Variants in ARHGEF11 observed in about 807,000 individuals in gnomAD.
ARHGEF11 encodes the protein Rho guanine exchange factor (GEF) 11.
In ARHGEF11, 55 loss-of-function variants were observed where a neutral mutation model predicts 193.7. The ratio of observed to expected loss-of-function variants is 0.28; its 90% CI spans 0.23 to 0.36. The LOEUF is 0.36. ARHGEF11 is among the 10% of genes least tolerant of loss of function. The pLI is 1.00. For synonymous variants in ARHGEF11, 693 were observed against 768.0 expected, an observed-to-expected ratio of 0.90 and a Z score of 1.62; for missense variants, 1,723 against 2,005.6, an observed-to-expected ratio of 0.86 and a Z score of 2.69.
chr1:157,007,690 C>T (rs1040824161), intron 1 of ARHGEF11, among the ~76,000 whole-genome samples: 8 of 152,170 alleles, frequency 5.3e-5, no homozygotes, highest in Non-Finnish European at 1.2e-4. Flanking sequence ...TCTGGCCACA[C>T]AGAATTAAAC....
At chr1:156,963,753 A>G in intron 11 of ARHGEF11, 159 bp from the exon 12 acceptor site, 1 of 1,444,156 alleles carries the variant, frequency 6.9e-7, no homozygotes, top group Non-Finnish European at 9.0e-7. Context: ...CAGAGCACAG[A>G]TGAAATGATT....
chr1:156,954,380 C>CAAAAA lies in ARHGEF11; in HGVS notation c.1798+507_1798+511dup, dbSNP rs559848711. Among the ~76,000 whole-genome samples the CAAAAA allele has an allele frequency of 7.6e-4, 57 of 75,156 alleles. 2 individuals carry two copies. Among genetic ancestry groups the CAAAAA allele is most frequent in the Non-Finnish European group, 1.0e-3 (42 of 40,078 alleles). The allele number at this position is 75,156 out of a possible 152,430, so 49.3% of individuals were successfully genotyped here. On this transcript the variant is annotated intron_variant, in intron 21 of 40. Coordinates refer to ENST00000368194, the MANE Select transcript of ARHGEF11 (RefSeq NM_198236.3). ...GGGCCACAGAGTGAAACTGTGTCTCCAAAAAAAAAAAAAAAAAAAAAAAAA... is the reference window on the plus strand; with the variant it reads ...GGGCCACAGAGTGAAACTGTGTCTCCAAAAAAAAAAAAAAAAAAAAAAAAAAAAAA...
intron 3 of ARHGEF11, among the ~76,000 whole-genome samples, chr1:156,981,481 T>G (rs1195782184): frequency 1.3e-5 from 2 of 151,872 alleles, no homozygotes; most frequent in African/African-American, 4.9e-5. Context: ...CAATATGGTT[T>G]GTTTGTTTGT....
At chr1:156,936,499 T>A (rs12749171) in intron 40 of ARHGEF11, among the ~76,000 whole-genome samples, 5,212 of 74,192 alleles carry the variant, frequency 0.07, 182 homozygotes, top group Non-Finnish European at 0.084. Flanking sequence ...AAAAAAAAAA[T>A]ATATATATAT....
At chr1:156,953,481 A>C (rs556640877) in intron 21 of ARHGEF11, among the ~76,000 whole-genome samples, 5 of 152,308 alleles carry the variant, frequency 3.3e-5, no homozygotes, top group South Asian at 4.1e-4. Context: ...ACTGGATTTC[A>C]AGGCCATTCT....
chr1:157,012,372 T>C (rs1457370398), intron 1 of ARHGEF11, among the ~76,000 whole-genome samples: 1 of 152,052 alleles, frequency 6.6e-6, no homozygotes, highest in African/African-American at 2.4e-5. Flanking sequence ...GGGTTTCCAT[T>C]TGGGATACTG....
At chr1:156,947,155 G>C in intron 26 of ARHGEF11, 140 bp from the exon 27 acceptor site, 2 of 1,459,176 alleles carry the variant, frequency 1.4e-6, no homozygotes, top group Non-Finnish European at 1.9e-6. Context: ...GTGAACTCCA[G>C]TGCTGGTTTC....
rs114607205 is a variant in ARHGEF11 at position 156,956,849 on chromosome 1, T to C, written c.1527-285A>G. On this transcript the variant is annotated intron_variant, in intron 18 of 40. Coordinates refer to ENST00000368194, the MANE Select transcript of ARHGEF11 (RefSeq NM_198236.3). Reference sequence around the variant, plus strand: ...AGAACTCTTCCCCATGAGCAGATGATGGTCAGTGGAAGAACATGCCAATTC... The same window carrying C: ...AGAACTCTTCCCCATGAGCAGATGACGGTCAGTGGAAGAACATGCCAATTC... 5.6e-3 allele frequency among the ~76,000 whole-genome samples: 856 copies of C among 152,276 alleles called. 5 individuals are homozygous for C. The highest frequency in any genetic ancestry group is 0.02 in the African/African-American group (823 of 41,542).
chr1:156,976,362 G>A (rs566997406), intron 7 of ARHGEF11, among the ~76,000 whole-genome samples: 1 of 151,942 alleles, frequency 6.6e-6, no homozygotes, highest in African/African-American at 2.4e-5. Flanking sequence ...TTCTCTTATT[G>A]TAAGCTCTTT....
In ARHGEF11 at chr1:156,982,190, GTGT is replaced by G. The variant is rs538356420; in HGVS notation, c.224-1707_224-1705del. Reference sequence around the variant, plus strand: ...ACGTGAGGTGACTTCTAATAACTTAGTGTTTTTTTTTTTTAAACTAAACTCTTC... The same window carrying G: ...ACGTGAGGTGACTTCTAATAACTTAGTTTTTTTTTTTAAACTAAACTCTTC... On this transcript the variant is annotated intron_variant, in intron 3 of 40. Transcript: ENST00000368194. Among the ~76,000 whole-genome samples, 360 of 151,876 alleles carry G rather than the reference GTGT, an allele frequency of 2.4e-3. 1 individual carries two copies. The highest frequency in any genetic ancestry group is 8.3e-3 in the African/African-American group (346 of 41,450).
chr1:156,949,563 C>G (rs1242619795), intron 22 of ARHGEF11, among the ~76,000 whole-genome samples: 2 of 152,164 alleles, frequency 1.3e-5, no homozygotes, highest in African/African-American at 4.8e-5. Context: ...TCCTAGGGTC[C>G]TGAGGGTTTT....
intron 1 of ARHGEF11, among the ~76,000 whole-genome samples, chr1:157,036,186 TACATATATGA>T (rs755940242): frequency 0.033 from 4,391 of 132,124 alleles, 134 homozygotes; most frequent in South Asian, 0.11. Context: ...CATATATGAA[TACATATATGA>T]ATATATATAC....
At chr1:156,945,569 T>G in intron 29 of ARHGEF11, 1 of 254,666 alleles carries the variant, frequency 3.9e-6, no homozygotes, top group Non-Finnish European at 7.5e-6. Context: ...CTCCAATGTC[T>G]GAAATTTGGG....
chr1:156,949,749 C>G (rs1442447723), intron 22 of ARHGEF11, among the ~76,000 whole-genome samples: 1 of 152,170 alleles, frequency 6.6e-6, no homozygotes, highest in African/African-American at 2.4e-5. Flanking sequence ...GAGCTAAGCA[C>G]CTTCCTTCAA....
At chr1:156,936,137 C>T (rs771395392) in intron 40 of ARHGEF11, 79 bp from the exon 41 acceptor site, 11 of 1,406,674 alleles carry the variant, frequency 7.8e-6, no homozygotes, top group Non-Finnish European at 1.0e-5. Flanking sequence ...AAAGTTCAGG[C>T]TCACGAGAAC....
intron 2 of ARHGEF11, 40 bp downstream of exon 2, chr1:156,986,042 T>C (rs754213209): frequency 2.6e-6 from 4 of 1,546,170 alleles, no homozygotes; most frequent in Admixed American, 3.3e-5. Flanking sequence ...TGTGCCACCA[T>C]GCCTGGCTGT....
chr1:156,985,515 C>G (rs61801966), intron 2 of ARHGEF11, among the ~76,000 whole-genome samples: 2,389 of 152,210 alleles, frequency 0.016, 36 homozygotes, highest in South Asian at 0.061. Context: ...CCTCTGCCTT[C>G]TGGGTTCAAG....
intron 1 of ARHGEF11, among the ~76,000 whole-genome samples, chr1:156,992,320 C>A (rs1026518844): frequency 2.0e-5 from 3 of 152,240 alleles, no homozygotes; most frequent in African/African-American, 7.2e-5. Context: ...TACAATGCAG[C>A]CCGCATTGGC....
chr1:156,975,793 T>C (rs895363759), intron 7 of ARHGEF11, among the ~76,000 whole-genome samples: 1 of 152,230 alleles, frequency 6.6e-6, no homozygotes, highest in Non-Finnish European at 1.5e-5. Context: ...GATATCCAGT[T>C]GTCCTAGCAC....
Sources: gnomAD v4.1 joint callset for allele counts (sites outside exome capture counted in the v4.1 genomes callset) on GRCh38, gnomAD v4.1.1 for gene constraint, MANE v1.5 for transcripts, NCBI Gene and HGNC (gene_info 2026-07-23, HGNC 2026-07-21) for gene names.